Variants in YAP1 observed in about 807,000 individuals in gnomAD.
YAP1 encodes the protein transcriptional coactivator YAP1.
A neutral mutation model predicts 56.9 loss-of-function variants in YAP1; 5 were observed. That is an observed-to-expected ratio of 0.09 (90% confidence interval 0.05 to 0.18). The LOEUF is 0.18. Among genes scored for constraint, YAP1 ranks in the 10% least tolerant of loss-of-function variants. YAP1 has a pLI of 1.00. For missense variants in YAP1, 539 were observed against 651.8 expected (o/e 0.83, Z 1.88); for synonymous variants, 265 against 248.1 (o/e 1.07, Z -0.64).
chr11:102,228,634 C>CA (rs71059544), intron 8 of YAP1, among the ~76,000 whole-genome samples: 3,104 of 31,554 alleles, frequency 0.098, 548 homozygotes, highest in Non-Finnish European at 0.17. Flanking sequence ...GACTCCGTCT[C>CA]AAAAAAAAAA....
rs573979669 is a variant in YAP1, at chr11:102,155,040, A to G, written c.573-7416A>G. ...TGTTCCTGTTTAATGGTGGCCTGTT[A>G]TATATCACAGCTGCTGAAGCAGAGG... On this transcript the variant is annotated intron_variant, in intron 2 of 8. Coordinates refer to ENST00000282441, the MANE Select transcript of YAP1 (RefSeq NM_001130145.3). 8.7e-4 allele frequency among the ~76,000 whole-genome samples: 133 copies of G among 152,304 alleles called. 1 individual carries two copies. Among genetic ancestry groups the G allele is most frequent in the African/African-American group, 3.1e-3 (128 of 41,582 alleles).
At chr11:102,145,596 CT>C (rs1374346869) in intron 2 of YAP1, among the ~76,000 whole-genome samples, 1 of 151,962 alleles carries the variant, frequency 6.6e-6, no homozygotes, top group Non-Finnish European at 1.5e-5. Context: ...AAATATTGAA[CT>C]GAGAAAAAAA....
At chr11:102,126,108 G>C (rs548809404) in intron 2 of YAP1, among the ~76,000 whole-genome samples, 1 of 151,818 alleles carries the variant, frequency 6.6e-6, no homozygotes, top group Non-Finnish European at 1.5e-5. Flanking sequence ...CTGAATAATC[G>C]ATTTCCTCCT....
At chr11:102,175,272 C>T (rs1257034470) in intron 3 of YAP1, among the ~76,000 whole-genome samples, 22 of 152,090 alleles carry the variant, frequency 1.4e-4, no homozygotes, top group Non-Finnish European at 2.4e-4. Context: ...TGGTGGTACA[C>T]CCCTGTAATC....
rs1275688563 is a variant in YAP1, at chr11:102,231,669, ATAGT to A, written c.*1731_*1734del. ...ACTCTTCAATATAAGCTATGAAGTA[ATAGT>A]TGGTTGTGAATTAAAGTGGCACCAG... On this transcript the variant is annotated 3_prime_UTR_variant, in exon 9 of 9. Transcript: ENST00000282441. 6.6e-6 allele frequency: 1 copy of A among 152,602 alleles called. No homozygotes were observed. The highest frequency in any genetic ancestry group is 1.5e-5 in the Non-Finnish European group (1 of 68,024). The allele number at this position is 152,602 out of a possible 1,614,324, so 9.5% of individuals were successfully genotyped here. A position where few individuals can be genotyped will look rare whatever the true frequency, so the allele number is the denominator to read the frequency against.
intron 6 of YAP1, among the ~76,000 whole-genome samples, chr11:102,210,808 A>G (rs1949367730): frequency 6.6e-6 from 1 of 152,228 alleles, no homozygotes. Flanking sequence ...GCTGGAGTGC[A>G]GTGGTGTGAT....
At chr11:102,164,162 C>T (rs778698114) in intron 3 of YAP1, among the ~76,000 whole-genome samples, 7 of 151,818 alleles carry the variant, frequency 4.6e-5, no homozygotes, top group South Asian at 2.1e-4. Context: ...CTCAGCCTCC[C>T]GAGCTGGTAC....
In YAP1 at chr11:102,110,809, C is replaced by T. The variant is rs1211887164; in HGVS notation, c.-40C>T. 7.6e-6 allele frequency: 10 copies of T among 1,321,622 alleles called. No homozygotes were observed. The highest frequency in any genetic ancestry group is 2.0e-5 in the South Asian group (1 of 51,200). The allele number at this position is 1,321,622 out of a possible 1,614,324, so 81.9% of individuals were successfully genotyped here. Reference sequence around the variant, plus strand: ...GGGGCGTCCGGGCGTAGCCCTCGCTCGCCTGGGTCAGGGGGTGCGCGTCGG... The same window carrying T: ...GGGGCGTCCGGGCGTAGCCCTCGCTTGCCTGGGTCAGGGGGTGCGCGTCGG... On this transcript the variant is annotated 5_prime_UTR_variant, in exon 1 of 9. Transcript: ENST00000282441.
At chr11:102,183,632 G>A (rs938016946) in intron 3 of YAP1, among the ~76,000 whole-genome samples, 1 of 151,718 alleles carries the variant, frequency 6.6e-6, no homozygotes, top group South Asian at 2.1e-4. Flanking sequence ...AGGTAGGGAA[G>A]GTTGGTTTGT....
At chr11:102,129,135 T>A (rs1356067254) in intron 2 of YAP1, among the ~76,000 whole-genome samples, 1 of 152,158 alleles carries the variant, frequency 6.6e-6, no homozygotes, top group African/African-American at 2.4e-5. Context: ...TTTAACTGAG[T>A]TTTATCTCAG....
chr11:102,211,734 T>C (rs1479190489), intron 6 of YAP1, among the ~76,000 whole-genome samples: 1 of 151,968 alleles, frequency 6.6e-6, no homozygotes, highest in African/African-American at 2.4e-5. Context: ...GATGGAGTCT[T>C]GCTCTGTCAC....
chr11:102,140,921 T>C (rs1405386393), intron 2 of YAP1, among the ~76,000 whole-genome samples: 2 of 152,192 alleles, frequency 1.3e-5, no homozygotes. Context: ...GTTTCTTAAC[T>C]GTGGCAGTTA....
At chr11:102,136,904 A>G (rs1944707555) in intron 2 of YAP1, among the ~76,000 whole-genome samples, 1 of 152,192 alleles carries the variant, frequency 6.6e-6, no homozygotes, top group Admixed American at 6.5e-5. Context: ...AAACATTAGA[A>G]TATGTCTTGA....
intron 3 of YAP1, among the ~76,000 whole-genome samples, chr11:102,166,704 A>C (rs1322253758): frequency 6.6e-6 from 1 of 152,222 alleles, no homozygotes; most frequent in African/African-American, 2.4e-5. Context: ...GAAGCACTCT[A>C]CTGGGTTAAT....
intron 2 of YAP1, among the ~76,000 whole-genome samples, chr11:102,126,228 C>G (rs908464495): frequency 6.6e-6 from 1 of 152,288 alleles, no homozygotes; most frequent in East Asian, 1.9e-4. Context: ...TGCCAATTTT[C>G]TAAGCCCAAA....
chr11:102,229,227 G>A (rs1192198224), intron 8 of YAP1, among the ~76,000 whole-genome samples: 1 of 152,148 alleles, frequency 6.6e-6, no homozygotes. Flanking sequence ...TTAGGAAGGT[G>A]CATCTCCTAA....
chr11:102,122,920 A>G (rs1036352553), intron 2 of YAP1, among the ~76,000 whole-genome samples: 2 of 151,066 alleles, frequency 1.3e-5, no homozygotes, highest in African/African-American at 4.9e-5. Flanking sequence ...AAAAAAAGCA[A>G]AGAAAAGAGC....
chr11:102,134,401 G>A (rs1333886069), intron 2 of YAP1, among the ~76,000 whole-genome samples: 2 of 151,046 alleles, frequency 1.3e-5, no homozygotes, highest in Non-Finnish European at 2.9e-5. Context: ...TCTCAGTATT[G>A]TTCTGCATAT....
At chr11:102,174,176 A>G (rs1947090095) in intron 3 of YAP1, among the ~76,000 whole-genome samples, 1 of 152,230 alleles carries the variant, frequency 6.6e-6, no homozygotes, top group African/African-American at 2.4e-5. Context: ...TCATTTTAGC[A>G]TTCCTATTTT....
Sources: gnomAD v4.1 joint callset for allele counts (sites outside exome capture counted in the v4.1 genomes callset) on GRCh38, gnomAD v4.1.1 for gene constraint, MANE v1.5 for transcripts, NCBI Gene and HGNC (gene_info 2026-07-23, HGNC 2026-07-21) for gene names.